TEX11: variants seen among roughly 807,000 people sequenced by gnomAD.
TEX11 encodes testis-expressed protein 11.
Under a neutral mutation model 84.4 loss-of-function variants are expected in TEX11, and 7 were observed. The ratio of observed to expected loss-of-function variants is 0.08; its 90% CI spans 0.05 to 0.16. The LOEUF is 0.16. Ranked by LOEUF, TEX11 falls within the 10% of genes least tolerant of loss-of-function variation. The pLI is 1.00. For missense variants in TEX11, 551 were observed against 660.5 expected, an observed-to-expected ratio of 0.83 and a Z score of 1.82; for synonymous variants, 264 against 222.8, an observed-to-expected ratio of 1.18 and a Z score of -1.64.
At position 70,906,092 on chromosome X, in the gene TEX11, T is replaced by A. The variant is rs1182088665; in HGVS notation, c.37+1661A>T. ...AAAAAAAAAAAAAAAAAAAAAAAAA[T>A]ATATATATATATATATATATATATA... On this transcript the variant is annotated intron_variant, in intron 2 of 29. Transcript: ENST00000374333. Among the ~76,000 whole-genome samples, 6 of 3,326 alleles carry A rather than the reference T, an allele frequency of 1.8e-3. 2 individuals carry two copies. Among genetic ancestry groups the A allele is most frequent in the African/African-American group, 9.6e-3 (5 of 520 alleles). 2.9% of individuals were successfully genotyped at this position (3,326 alleles called of 115,157 possible).
chrX:70,861,304 G>A (rs1385870186), intron 4 of TEX11, among the ~76,000 whole-genome samples: 3 of 108,461 alleles, frequency 2.8e-5, no homozygotes, highest in East Asian at 5.8e-4. Context: ...CTCGTGATCC[G>A]CCCGCCTCGG....
chrX:70,868,073 G>A (rs987372633), intron 4 of TEX11, among the ~76,000 whole-genome samples: 5 of 111,362 alleles, frequency 4.5e-5, no homozygotes, highest in African/African-American at 9.8e-5. Context: ...AGAAACTATC[G>A]TCAGGGTGAA....
intron 9 of TEX11, among the ~76,000 whole-genome samples, chrX:70,784,457 A>G (rs771208413): frequency 1.2e-4 from 13 of 111,877 alleles, no homozygotes; most frequent in Non-Finnish European, 1.5e-4. Context: ...CCTATTCAAC[A>G]TAATGTTGGA....
intron 20 of TEX11, among the ~76,000 whole-genome samples, chrX:70,618,820 G>A (rs1298224942): frequency 8.9e-6 from 1 of 111,861 alleles, no homozygotes; most frequent in South Asian, 3.8e-4. Context: ...GTCCAACAAC[G>A]GGCAGAGATA....
intron 25 of TEX11, among the ~76,000 whole-genome samples, chrX:70,579,948 C>T (rs2088748044): frequency 8.9e-6 from 1 of 112,141 alleles, no homozygotes; most frequent in African/African-American, 3.2e-5. Flanking sequence ...AATCCCACTC[C>T]TAGGTATACA....
chrX:70,761,129 T>C (rs2090906116), intron 9 of TEX11, among the ~76,000 whole-genome samples: 1 of 111,685 alleles, frequency 9.0e-6, no homozygotes, highest in Non-Finnish European at 1.9e-5. Context: ...GGAGAGGATA[T>C]GGAGAAATAG....
chrX:70,614,082 G>A (rs1391713769), intron 20 of TEX11, among the ~76,000 whole-genome samples: 1 of 111,769 alleles, frequency 8.9e-6, no homozygotes, highest in African/African-American at 3.3e-5. Context: ...ACTCTGAGAT[G>A]TGCTGGCTTC....
intron 9 of TEX11, among the ~76,000 whole-genome samples, chrX:70,750,934 AT>A (rs1254499201): frequency 0.18 from 3,617 of 20,411 alleles, 171 homozygotes; most frequent in Admixed American, 0.27. Context: ...AAAAAAAAAA[AT>A]ATATATATAT....
At chrX:70,648,222 T>A (rs975570815) in intron 17 of TEX11, among the ~76,000 whole-genome samples, 1 of 110,127 alleles carries the variant, frequency 9.1e-6, no homozygotes, top group African/African-American at 3.3e-5. Context: ...ATGAGAACAC[T>A]TGGACACAGG....
chrX:70,844,691 A>T (rs1047369490), intron 7 of TEX11, among the ~76,000 whole-genome samples: 1 of 111,734 alleles, frequency 8.9e-6, no homozygotes, highest in African/African-American at 3.3e-5. Flanking sequence ...AGGCCAAGGC[A>T]GGTGGATAAC....
chrX:70,714,098 G>A (rs773551920), intron 13 of TEX11, among the ~76,000 whole-genome samples: 53 of 111,543 alleles, frequency 4.8e-4, no homozygotes, highest in Admixed American at 8.6e-4. Context: ...GTAGTTGAGC[G>A]GTTTTGAGTG....
intron 25 of TEX11, among the ~76,000 whole-genome samples, chrX:70,564,437 G>A (rs778170719): frequency 5.5e-5 from 6 of 109,081 alleles, no homozygotes; most frequent in Non-Finnish European, 9.5e-5. Context: ...AAGTTTTAGG[G>A]TACATGTGCA....
chrX:70,792,258 A>G (rs1458329197), intron 9 of TEX11, among the ~76,000 whole-genome samples: 16 of 76,904 alleles, frequency 2.1e-4, no homozygotes, highest in Middle Eastern at 6.8e-3. Flanking sequence ...ACTGCACTCC[A>G]GCCTGAGCTA....
At position 70,529,937 on chromosome X, in the gene TEX11, A is replaced by G; in HGVS notation, c.2583T>C (p.Leu861=). ...LMVKSWNTGV[L]MFSRSKYASA... ...ATGCATACTTGCTCCTGCTAAACAT[A>G]AGTACTCCGGTATTCCAGGACTTGA... The change falls in exon 29 of 30, where the codon CTT becomes CTC. Residue 861 remains leucine, a synonymous_variant. Coordinates refer to ENST00000374333, the MANE Select transcript of TEX11 (RefSeq NM_031276.3). 8.3e-7 allele frequency: 1 copy of G among 1,211,163 alleles called. No individual in the cohort carries two copies. The highest frequency in any genetic ancestry group is 1.1e-6 in the Non-Finnish European group (1 of 895,129).
At chrX:70,793,946 A>G (rs902150994) in intron 9 of TEX11, among the ~76,000 whole-genome samples, 1 of 111,704 alleles carries the variant, frequency 9.0e-6, no homozygotes, top group Non-Finnish European at 1.9e-5. Flanking sequence ...AGAGGGAGAT[A>G]GAGCAAGATG....
At chrX:70,862,166 T>A (rs2091574038) in intron 4 of TEX11, among the ~76,000 whole-genome samples, 1 of 111,349 alleles carries the variant, frequency 9.0e-6, no homozygotes, top group African/African-American at 3.3e-5. Context: ...CTAAACATAT[T>A]CTTTTCTGTA....
intron 9 of TEX11, among the ~76,000 whole-genome samples, chrX:70,765,820 C>CT (rs1375204908): frequency 9.0e-6 from 1 of 111,628 alleles, no homozygotes; most frequent in Admixed American, 9.5e-5. Context: ...CGAACATCCA[C>CT]TTTGGAAAAA....
chrX:70,643,797 C>A (rs887541363), intron 17 of TEX11, among the ~76,000 whole-genome samples: 1 of 107,779 alleles, frequency 9.3e-6, no homozygotes, highest in Non-Finnish European at 1.9e-5. Flanking sequence ...CTTAAACATT[C>A]GACCTAAAAC....
chrX:70,541,611 A>G (rs1262559673), intron 28 of TEX11, among the ~76,000 whole-genome samples: 1 of 111,453 alleles, frequency 9.0e-6, no homozygotes, highest in Non-Finnish European at 1.9e-5. Flanking sequence ...AAAAAAATTT[A>G]GCCAGGCATG....
Sources: allele counts gnomAD v4.1 joint callset (sites outside exome capture counted in the v4.1 genomes callset), GRCh38; gene constraint gnomAD v4.1.1; transcripts MANE v1.5; gene names NCBI Gene and HGNC (gene_info 2026-07-23, HGNC 2026-07-21).